COL4A2: variants seen among roughly 807,000 people sequenced by gnomAD.
COL4A2 encodes collagen alpha-2(IV) chain.
Under a neutral mutation model 200.2 loss-of-function variants are expected in COL4A2, and 99 were observed. The observed-to-expected ratio is 0.49, with a 90% CI of 0.42 to 0.58. The LOEUF (loss-of-function observed/expected upper bound fraction) is 0.58. Ranked by LOEUF, COL4A2 falls within the 20% of genes least tolerant of loss-of-function variation. The pLI is 0.00. For missense variants in COL4A2, 1,950 were observed against 2,314.1 expected, an observed-to-expected ratio of 0.84 and a Z score of 3.23; for synonymous variants, 897 against 900.6, an observed-to-expected ratio of 1.00 and a Z score of 0.07.
rs1266291575 is a variant in COL4A2 at position 110,487,862 on chromosome 13, C to T, written c.3208-1583C>T. ...GTGTTCTGTGTCTTTCAGTGACACA[C>T]GAGTTCAGATGCATTGAGCTGTGCG... On this transcript the variant is annotated intron_variant, in intron 34 of 47. Transcript: ENST00000360467. Among the ~76,000 whole-genome samples the T allele has an allele frequency of 1.2e-4, 18 of 152,120 alleles. No individual in the cohort carries two copies. In the East Asian group the frequency reaches 3.5e-3, roughly 29 times the overall value.
intron 3 of COL4A2, among the ~76,000 whole-genome samples, chr13:110,352,728 T>G (rs1877018272): frequency 6.6e-6 from 1 of 152,172 alleles, no homozygotes; most frequent in African/African-American, 2.4e-5. Flanking sequence ...GGAGGTTCTG[T>G]GTGCCTATGA....
rs553663121 is a variant in COL4A2, at chr13:110,504,136, G to T, written c.4286-12G>T. 6.2e-7 allele frequency: 1 copy of T among 1,612,482 alleles called. No homozygotes were observed. The highest frequency in any genetic ancestry group is 1.1e-5 in the South Asian group (1 of 91,030). Reference sequence around the variant, plus strand: ...CAGTTTCCAGCCATAACGCTTCTTTGGTGGCTTGCAGGTTTCCGTGGGGCT... The same window carrying T: ...CAGTTTCCAGCCATAACGCTTCTTTTGTGGCTTGCAGGTTTCCGTGGGGCT... On this transcript the variant is annotated splice_polypyrimidine_tract_variant and intron_variant, in intron 44 of 47. Transcript: ENST00000360467.
intron 4 of COL4A2, among the ~76,000 whole-genome samples, chr13:110,389,415 C>T (rs143042756): frequency 6.2e-4 from 95 of 152,240 alleles, no homozygotes; most frequent in Middle Eastern, 6.8e-3. Context: ...TGTGCGTGTG[C>T]GAGAATCCAC....
intron 27 of COL4A2, among the ~76,000 whole-genome samples, chr13:110,467,624 C>A (rs1038041766): frequency 3.3e-5 from 5 of 152,264 alleles, no homozygotes; most frequent in African/African-American, 1.2e-4. Context: ...CTTCACAGAG[C>A]CCATGCCTAA....
At chr13:110,458,519 G>C (rs1881870211) in intron 21 of COL4A2, among the ~76,000 whole-genome samples, 2 of 152,210 alleles carry the variant, frequency 1.3e-5, no homozygotes, top group Admixed American at 6.5e-5. Flanking sequence ...TGTGGTCCCA[G>C]TTTTTAAGTA....
chr13:110,459,023 C>A, intron 22 of COL4A2, 89 bp downstream of exon 22: 1 of 1,301,576 alleles, frequency 7.7e-7, no homozygotes, highest in Non-Finnish European at 1.0e-6. Flanking sequence ...TAAGTTTACA[C>A]AGCTTCAGAC....
chr13:110,498,543 C>T (rs1883535609), intron 40 of COL4A2, among the ~76,000 whole-genome samples: 1 of 152,194 alleles, frequency 6.6e-6, no homozygotes. Context: ...TTGATTCACA[C>T]AGCATGATGT....
chr13:110,330,943 G>T (rs1875882495), intron 3 of COL4A2, among the ~76,000 whole-genome samples: 2 of 152,014 alleles, frequency 1.3e-5, no homozygotes, highest in African/African-American at 4.8e-5. Context: ...TTCCTCTATG[G>T]TGTGTCTTCC....
At chr13:110,426,228 T>G (rs1880467490) in intron 6 of COL4A2, among the ~76,000 whole-genome samples, 1 of 152,218 alleles carries the variant, frequency 6.6e-6, no homozygotes, top group Non-Finnish European at 1.5e-5. Context: ...TGTCTCCAGC[T>G]GAAATCTGAG....
chr13:110,401,627 C>T (rs1183295322), intron 4 of COL4A2, among the ~76,000 whole-genome samples: 2 of 152,194 alleles, frequency 1.3e-5, no homozygotes, highest in African/African-American at 4.8e-5. Flanking sequence ...ATAAGTTAAC[C>T]AGCTTACATC....
intron 4 of COL4A2, among the ~76,000 whole-genome samples, chr13:110,367,618 C>T (rs1216934277): frequency 6.6e-6 from 1 of 152,230 alleles, no homozygotes; most frequent in Non-Finnish European, 1.5e-5. Flanking sequence ...TTGTGCATTG[C>T]ACCCATGCTT....
At chr13:110,368,310 T>C (rs189848934) in intron 4 of COL4A2, among the ~76,000 whole-genome samples, 1 of 152,314 alleles carries the variant, frequency 6.6e-6, no homozygotes, top group East Asian at 1.9e-4. Context: ...TTAAAGGTAT[T>C]ACATACTATT....
chr13:110,434,489 A>T, intron 12 of COL4A2, 47 bp downstream of exon 12: 1 of 1,575,478 alleles, frequency 6.3e-7, no homozygotes, highest in African/African-American at 1.4e-5. Flanking sequence ...AGCATTTCTC[A>T]GCCAGGAAAT....
At chr13:110,403,218 A>G (rs1445286833) in intron 4 of COL4A2, among the ~76,000 whole-genome samples, 1 of 152,142 alleles carries the variant, frequency 6.6e-6, no homozygotes, top group Non-Finnish European at 1.5e-5. Context: ...CTCTTCTACT[A>G]CCTGGACAGT....
Position 110,445,839 on chromosome 13 carries a change from G to A in COL4A2, c.968G>A (p.Gly323Asp). The A allele has an allele frequency of 1.2e-6, 2 of 1,614,154 alleles. No homozygotes were observed. The highest frequency in any genetic ancestry group is 1.7e-6 in the Non-Finnish European group (2 of 1,180,020). ...KGSPGQKGSR[G>D]LDGYQGPDGP... ...ATATCTTTCTTGCAGGGAAGCCGAG[G>A]CCTGGATGGCTATCAAGGGCCTGAT... is the stretch of plus-strand genomic sequence containing the variant. Residue 323 changes from glycine (G) to aspartate (D), a missense_variant, in exon 17 of 48, where the codon GGC (glycine) becomes GAC (aspartate). Around this residue, in one of 2 missense-constraint regions of COL4A2, gnomAD observed 565 missense variants for 593.5 expected, o/e 0.95. Transcript: ENST00000360467.
chr13:110,313,144 G>A (rs1885031781), intron 3 of COL4A2, among the ~76,000 whole-genome samples: 1 of 152,178 alleles, frequency 6.6e-6, no homozygotes, highest in South Asian at 2.1e-4. Flanking sequence ...CTGGAATCCA[G>A]TAAATATGTG....
At chr13:110,442,970 G>A (rs1484768694) in intron 16 of COL4A2, among the ~76,000 whole-genome samples, 1 of 148,972 alleles carries the variant, frequency 6.7e-6, no homozygotes, top group African/African-American at 2.5e-5. Context: ...TAGGACCATT[G>A]TCCTCTATGA....
chr13:110,423,266 T>G (rs1880325603), intron 4 of COL4A2, among the ~76,000 whole-genome samples: 1 of 152,206 alleles, frequency 6.6e-6, no homozygotes, highest in African/African-American at 2.4e-5. Context: ...CTCCCCTCCT[T>G]TCTCATTTTT....
chr13:110,438,802 A>ACCCCC lies in COL4A2; in HGVS notation c.912+139_912+143dup, dbSNP rs1197981980. 120 of 596,708 alleles carry ACCCCC rather than the reference A, an allele frequency of 2.0e-4. No individual in the cohort carries two copies. The African/African-American group carries it at 2.7e-3, about 13-fold the overall frequency. 37.0% of individuals were successfully genotyped at this position (596,708 alleles called of 1,614,324 possible). Reference sequence around the variant, plus strand: ...TAGAGATTTCCCGTTATTACTCCCCACCCCCCCCCACACACACACACAGCA... The same window carrying ACCCCC: ...TAGAGATTTCCCGTTATTACTCCCCACCCCCCCCCCCCCCACACACACACACAGCA... On this transcript the variant is annotated intron_variant, in intron 15 of 47. Coordinates refer to ENST00000360467, the MANE Select transcript of COL4A2 (RefSeq NM_001846.4).
Sources: allele counts gnomAD v4.1 joint callset (sites outside exome capture counted in the v4.1 genomes callset), GRCh38; gene constraint gnomAD v4.1.1; regional missense constraint gnomAD v4.1.1; transcripts MANE v1.5; gene names NCBI Gene and HGNC (gene_info 2026-07-23, HGNC 2026-07-21).